Variants in ACSM2B observed in about 807,000 individuals in gnomAD.
ACSM2B encodes acyl-coenzyme A synthetase ACSM2B, mitochondrial.
In ACSM2B, 58 loss-of-function variants were observed where a neutral mutation model predicts 78.6. That is an observed-to-expected ratio of 0.74 (90% CI 0.60 to 0.92). The LOEUF is 0.92. ACSM2B is among the 40% of genes least tolerant of loss of function. The pLI, the probability that ACSM2B is intolerant of heterozygous loss-of-function variation, is 0.00. For missense variants in ACSM2B, 688 were observed against 711.2 expected (o/e 0.97, Z 0.37); for synonymous variants, 257 against 256.8 (o/e 1.00, Z -0.01).
intron 3 of ACSM2B, 103 bp from the exon 4 acceptor site, chr16:20,555,579 A>G: frequency 6.4e-7 from 1 of 1,552,634 alleles, no homozygotes; most frequent in Non-Finnish European, 8.7e-7. Flanking sequence ...GAAGGAGAGG[A>G]TGGGGAAGTA....
rs2015576530 is a variant in ACSM2B at position 20,559,423 on chromosome 16, C to T, written c.202G>A (p.Ala68Thr). The stretch of plus-strand genomic sequence containing the variant: ...CCCTTCCCATTCACCCACCACAGGG[C>T]TGGGCTTGGGAGTCGCTTGCCAGCC... ...EKAGKRLPSPALWWVNGKGKE... is the reference protein window; with the variant it reads ...EKAGKRLPSPTLWWVNGKGKE... The change falls in exon 3 of 14, where the codon GCC becomes ACC. Residue 68 changes from alanine to threonine, a missense_variant. Ala to Thr is a moderately conservative substitution (Grantham distance 58, BLOSUM62 0). Coordinates refer to ENST00000329697, the MANE Select transcript of ACSM2B (RefSeq NM_001105069.2). 4 of 1,613,160 alleles carry T rather than the reference C, an allele frequency of 2.5e-6. No individual in the cohort carries two copies. The highest frequency in any genetic ancestry group is 3.4e-6 in the Non-Finnish European group (4 of 1,179,544).
At chr16:20,564,364 A>G (rs2015755313) in intron 2 of ACSM2B, among the ~76,000 whole-genome samples, 1 of 151,938 alleles carries the variant, frequency 6.6e-6, no homozygotes, top group South Asian at 2.1e-4. Flanking sequence ...CCCCAGACCA[A>G]AAGTCCTCAT....
intron 2 of ACSM2B, 92 bp from the exon 3 acceptor site, chr16:20,559,539 A>G: frequency 6.7e-7 from 1 of 1,482,964 alleles, no homozygotes; most frequent in Non-Finnish European, 9.0e-7. Flanking sequence ...GCTGGTGCTT[A>G]GTAAGGTTTT....
intron 1 of ACSM2B, among the ~76,000 whole-genome samples, chr16:20,567,783 A>G (rs1458328081): frequency 7.1e-6 from 1 of 140,914 alleles, no homozygotes; most frequent in East Asian, 2.0e-4. Context: ...TATATAATAT[A>G]TAATATATAT....
chr16:20,561,336 C>G (rs1221626333), intron 2 of ACSM2B, among the ~76,000 whole-genome samples: 1 of 151,310 alleles, frequency 6.6e-6, no homozygotes, highest in Non-Finnish European at 1.5e-5. Context: ...GTGCTGGCAT[C>G]TGCTTCTGGT....
At position 20,544,982 on chromosome 16, in the gene ACSM2B, C is replaced by A. The variant is rs376475774; in HGVS notation, c.1281+175G>T. 3.3e-5 allele frequency among the ~76,000 whole-genome samples: 5 copies of A among 152,266 alleles called. No homozygotes were observed. In the East Asian group the frequency reaches 9.6e-4, roughly 29 times the overall value. ...GATCACAGTGATAGGCTGAGGATGG[C>A]AAGGCTGAATAGCCACTTTTCTTCC... is the stretch of plus-strand genomic sequence containing the variant. On this transcript the variant is annotated intron_variant, in intron 10 of 13. Coordinates refer to ENST00000329697, the MANE Select transcript of ACSM2B (RefSeq NM_001105069.2).
chr16:20,544,602 C>A, intron 10 of ACSM2B: 1 of 985,298 alleles, frequency 1.0e-6, no homozygotes, highest in Non-Finnish European at 1.2e-6. Flanking sequence ...TTGGGTTCTT[C>A]TCTGTCCACT....
At chr16:20,552,679 C>T (rs1422336366) in intron 5 of ACSM2B, among the ~76,000 whole-genome samples, 2 of 152,180 alleles carry the variant, frequency 1.3e-5, no homozygotes, top group Non-Finnish European at 2.9e-5. Flanking sequence ...TTGCCAAGTT[C>T]AAGTTTGGCT....
At chr16:20,549,998 AT>A (rs71377665) in intron 6 of ACSM2B, 64 of 265,910 alleles carry the variant, frequency 2.4e-4, no homozygotes, top group African/African-American at 3.7e-4. Flanking sequence ...ATAGGTTTTA[AT>A]TTTTTTTTAT....
chr16:20,546,464 C>A lies in ACSM2B; in HGVS notation c.1109G>T (p.Cys370Phe), dbSNP rs780447076. 26 of 1,604,928 alleles carry A rather than the reference C, an allele frequency of 1.6e-5. No individual in the cohort carries two copies. The highest frequency in any genetic ancestry group is 2.2e-5 in the East Asian group (1 of 44,772). Residue 370 changes from cysteine (C) to phenylalanine (F), a missense_variant, in exon 9 of 14, where the codon TGC becomes TTC. Coordinates refer to ENST00000329697, the MANE Select transcript of ACSM2B (RefSeq NM_001105069.2). The part of the protein sequence containing the change: ...FYGQTETGLT[C>F]MVSKTMKIKP... ...GATTTTCATTGTCTTGGAAACCATG[C>A]AAGTTAATCCCTGTGGAAAGAAGCA...
At position 20,559,400 on chromosome 16, in the gene ACSM2B, C is replaced by T. The variant is rs761868480; in HGVS notation, c.225G>A (p.Lys75=). The change falls in exon 3 of 14, where the codon AAG becomes AAA. Residue 75 remains lysine (K), a synonymous_variant. Coordinates refer to ENST00000329697, the MANE Select transcript of ACSM2B (RefSeq NM_001105069.2). ...PSPALWWVNG[K]GKELMWNFRE... Reference sequence around the variant, plus strand: ...TGAAATTCCACATTAATTCCTTCCCCTTCCCATTCACCCACCACAGGGCTG... The same window carrying T: ...TGAAATTCCACATTAATTCCTTCCCTTTCCCATTCACCCACCACAGGGCTG... The T allele has an allele frequency of 3.1e-6, 5 of 1,613,198 alleles. No individual in the cohort carries two copies. The highest frequency in any genetic ancestry group is 3.3e-5 in the Admixed American group (2 of 59,974).
chr16:20,552,279 G>C lies in ACSM2B; in HGVS notation c.759C>G (p.Ala253=). 2 of 1,612,430 alleles carry C rather than the reference G, an allele frequency of 1.2e-6. No homozygotes were observed. The highest frequency in any genetic ancestry group is 1.7e-6 in the Non-Finnish European group (2 of 1,179,368). The stretch of plus-strand genomic sequence containing the variant: ...CTGATATGGTCCACATTATATCAGA[G>C]GCTTGCAGGCCTGTCCAACTGAAAA... ...KMDAGWTGLQ[A]SDIMWTISDT... Residue 253 remains alanine, a synonymous_variant, in exon 6 of 14, where the codon GCC becomes GCG. Transcript: ENST00000329697.
chr16:20,548,696 C>T lies in ACSM2B; in HGVS notation c.895-223G>A, dbSNP rs537078333. ...GTACATATTATTGTAGTGAAAAAGT[C>T]TAAGGCTAATTTGAAACATTTTTGT... On this transcript the variant is annotated intron_variant, in intron 6 of 13. Coordinates refer to ENST00000329697, the MANE Select transcript of ACSM2B (RefSeq NM_001105069.2). Among the ~76,000 whole-genome samples, 219 of 152,274 alleles carry T rather than the reference C, an allele frequency of 1.4e-3. 1 individual carries two copies. Among genetic ancestry groups the T allele is most frequent in the Middle Eastern group, 3.4e-3 (1 of 294 alleles).
intron 2 of ACSM2B, among the ~76,000 whole-genome samples, chr16:20,562,916 G>A (rs2015706806): frequency 6.6e-6 from 1 of 152,046 alleles, no homozygotes; most frequent in South Asian, 2.1e-4. Flanking sequence ...CTACAGCAAG[G>A]AACTGACTTT....
chr16:20,561,413 AG>A (rs1297212959), intron 2 of ACSM2B, among the ~76,000 whole-genome samples: 51 of 151,256 alleles, frequency 3.4e-4, no homozygotes, highest in Admixed American at 3.4e-3. Context: ...ACATGGCAAA[AG>A]CAGGAACAAG....
At position 20,541,003 on chromosome 16, in the gene ACSM2B, C is replaced by T. The variant is rs2014973411; in HGVS notation, c.1510-230G>A. On this transcript the variant is annotated intron_variant, in intron 12 of 13. Coordinates refer to ENST00000329697, the MANE Select transcript of ACSM2B (RefSeq NM_001105069.2). The stretch of plus-strand genomic sequence containing the variant: ...GACAATAGATTGAGACCAGGCTCAC[C>T]TCATGCTCCAAGGACAACAGAGACA... 11 of 429,276 alleles carry T rather than the reference C, an allele frequency of 2.6e-5. No individual in the cohort carries two copies. In the South Asian group the frequency reaches 4.5e-4, roughly 17 times the overall value. The allele number at this position is 429,276 out of a possible 1,614,324, so 26.6% of individuals were successfully genotyped here.
At chr16:20,572,923 T>A (rs1019540731) in intron 1 of ACSM2B, among the ~76,000 whole-genome samples, 1 of 151,538 alleles carries the variant, frequency 6.6e-6, no homozygotes, top group African/African-American at 2.4e-5. Flanking sequence ...GTTATGATTG[T>A]TTTTATGTAT....
intron 4 of ACSM2B, chr16:20,554,130 A>G (rs773398743): frequency 6.6e-6 from 5 of 762,036 alleles, no homozygotes; most frequent in Non-Finnish European, 1.1e-5. Flanking sequence ...TTTGTTATCA[A>G]TGCAACCTTA....
chr16:20,561,842 C>G (rs573708541), intron 2 of ACSM2B, among the ~76,000 whole-genome samples: 1 of 149,786 alleles, frequency 6.7e-6, no homozygotes, highest in African/African-American at 2.4e-5. Flanking sequence ...TTAGGTATAT[C>G]GCCTAATGTT....
Sources: allele counts gnomAD v4.1 joint callset (sites outside exome capture counted in the v4.1 genomes callset), GRCh38; gene constraint gnomAD v4.1.1; transcripts MANE v1.5; gene names NCBI Gene and HGNC (gene_info 2026-07-23, HGNC 2026-07-21).